SMARCB1: variants seen among roughly 807,000 people sequenced by gnomAD.
SMARCB1 encodes the protein SWI/SNF-related matrix-associated actin-dependent regulator of chromatin subfamily B member 1.
Under a neutral mutation model 49.0 loss-of-function variants are expected in SMARCB1, and 5 were observed. That is an observed-to-expected ratio of 0.10 (90% CI 0.05 to 0.21). SMARCB1 has a LOEUF of 0.21. Ranked by LOEUF, SMARCB1 falls within the 10% of genes least tolerant of loss-of-function variation. The probability of loss-of-function intolerance (pLI) is 1.00; values close to 1 mark genes in which losing one functional copy is unlikely to be tolerated. For synonymous variants in SMARCB1, 201 were observed against 200.1 expected (o/e 1.00, Z -0.04); for missense variants, 226 against 509.2 (o/e 0.44, Z 5.35).
intron 6 of SMARCB1, among the ~76,000 whole-genome samples, chr22:23,819,683 T>A (rs1345090385): frequency 6.6e-6 from 1 of 151,946 alleles, no homozygotes; most frequent in Non-Finnish European, 1.5e-5. Context: ...AGAAATGGAA[T>A]TCCTGGATCG....
intron 3 of SMARCB1, 90 bp from the exon 4 acceptor site, chr22:23,800,854 C>G (rs947572635): frequency 2.0e-6 from 2 of 1,000,084 alleles, no homozygotes; most frequent in African/African-American, 1.6e-5. Context: ...GACAGAGGTA[C>G]AGTGGGCATC....
intron 5 of SMARCB1, among the ~76,000 whole-genome samples, chr22:23,809,123 G>A (rs551354643): frequency 1.3e-5 from 2 of 151,784 alleles, no homozygotes; most frequent in South Asian, 2.1e-4. Context: ...GTGAGCCACC[G>A]CGCCCAGCCA....
intron 7 of SMARCB1, chr22:23,826,317 C>T (rs527301810): frequency 4.0e-5 from 6 of 151,044 alleles, no homozygotes; most frequent in Admixed American, 3.3e-4. Flanking sequence ...TTCAGCTACT[C>T]AGGAAGCTGA....
Position 23,836,373 on chromosome 22 carries a change from C to G in SMARCB1, c.*2193C>G, listed in dbSNP as rs1399898548. 1 of 985,426 alleles carries G rather than the reference C, an allele frequency of 1.0e-6. No individual in the cohort carries two copies. The highest frequency in any genetic ancestry group is 1.7e-5 in the African/African-American group (1 of 57,270). The allele number at this position is 985,426 out of a possible 1,614,324, so 61.0% of individuals were successfully genotyped here. A position where few individuals can be genotyped will look rare whatever the true frequency, so the allele number is the denominator to read the frequency against. On this transcript the variant is annotated 3_prime_UTR_variant, in exon 9 of 9. Coordinates refer to ENST00000644036, the MANE Select transcript of SMARCB1 (RefSeq NM_003073.5). ...CTGAAGGCACCACTGGCAGGAACAT[C>G]TGTAGGCTGGTTTGGCACAACCTAG... is the stretch of plus-strand genomic sequence containing the variant.
intron 6 of SMARCB1, among the ~76,000 whole-genome samples, chr22:23,822,074 T>C (rs570617498): frequency 6.6e-5 from 10 of 152,280 alleles, no homozygotes; most frequent in South Asian, 2.1e-4. Flanking sequence ...ACAAGAATCT[T>C]TGGAGCCATG....
rs966019201 is a variant in SMARCB1 at position 23,817,001 on chromosome 22, A to G, written c.795+65A>G. On this transcript the variant is annotated intron_variant, in intron 6 of 8. Transcript: ENST00000644036. ...CTCAGGGTGGGTGTCATCATGGAGCACTGAGGGTACACCAAGGCCTCAGCA... is the reference window on the plus strand; with the variant it reads ...CTCAGGGTGGGTGTCATCATGGAGCGCTGAGGGTACACCAAGGCCTCAGCA... The G allele has an allele frequency of 5.2e-6, 7 of 1,342,206 alleles. No homozygotes were observed. In the South Asian group the frequency reaches 7.1e-5, roughly 14 times the overall value. The allele number at this position is 1,342,206 out of a possible 1,614,324, so 83.1% of individuals were successfully genotyped here.
intron 1 of SMARCB1, among the ~76,000 whole-genome samples, chr22:23,790,688 C>T (rs186566324): frequency 3.3e-5 from 5 of 151,982 alleles, no homozygotes; most frequent in Non-Finnish European, 5.9e-5. Context: ...ACAAAAAATA[C>T]AAAAATTAGC....
In SMARCB1 at chr22:23,803,401, G is replaced by A. The variant is rs762962010; in HGVS notation, c.607G>A (p.Ala203Thr). 1.5e-5 allele frequency: 25 copies of A among 1,614,148 alleles called. 1 individual carries two copies. The highest frequency in any genetic ancestry group is 4.5e-5 in the East Asian group (2 of 44,888). Residue 203 changes from alanine (A) to threonine (T), a missense_variant, in exon 5 of 9, where the codon GCC becomes ACC. Transcript: ENST00000644036. ...GATCGATGGGCAGAAGCTGCGAGAC[G>A]CCTTCACCTGGAACATGAATGGTAC... is the stretch of plus-strand genomic sequence containing the variant. ...MEIDGQKLRDAFTWNMNEKLM... is the reference protein window; with the variant it reads ...MEIDGQKLRDTFTWNMNEKLM...
At position 23,803,416 on chromosome 22, in the gene SMARCB1, A is replaced by G. The variant is rs1457130071; in HGVS notation, c.622A>G (p.Met208Val). 2.5e-6 allele frequency: 4 copies of G among 1,614,134 alleles called. No individual in the cohort carries two copies. Among genetic ancestry groups the G allele is most frequent in the East Asian group, 2.2e-5 (1 of 44,880 alleles). The change falls in exon 5 of 9, where the codon ATG becomes GTG. Residue 208 changes from methionine (M) to valine (V), a missense_variant. Coordinates refer to ENST00000644036, the MANE Select transcript of SMARCB1 (RefSeq NM_003073.5). ...GCTGCGAGACGCCTTCACCTGGAAC[A>G]TGAATGGTACAAGGCAGTCGGGCTT... ...QKLRDAFTWN[M>V]NEKLMTPEMF...
intron 3 of SMARCB1, among the ~76,000 whole-genome samples, chr22:23,797,107 T>A (rs1231597253): frequency 7.0e-6 from 1 of 142,860 alleles, no homozygotes; most frequent in Non-Finnish European, 1.5e-5. Context: ...CACGCCATTC[T>A]CCTGCCTCAG....
intron 2 of SMARCB1, chr22:23,792,296 T>C (rs886858657): frequency 2.8e-6 from 1 of 351,680 alleles, no homozygotes; most frequent in African/African-American, 2.1e-5. Flanking sequence ...CTTTCACTGC[T>C]TGCTTCCTGG....
chr22:23,829,434 C>A (rs997460774), intron 7 of SMARCB1, among the ~76,000 whole-genome samples: 2 of 152,184 alleles, frequency 1.3e-5, no homozygotes, highest in African/African-American at 4.8e-5. Flanking sequence ...GCTCTGCACA[C>A]CAGCAGTCCT....
Position 23,835,832 on chromosome 22 carries a change from C to T in SMARCB1, c.*1652C>T, listed in dbSNP as rs1000571913. 3 of 985,160 alleles carry T rather than the reference C, an allele frequency of 3.0e-6. No individual in the cohort carries two copies. The African/African-American group carries it at 5.2e-5, about 17-fold the overall frequency. 61.0% of individuals were successfully genotyped at this position (985,160 alleles called of 1,614,324 possible). A position where few individuals can be genotyped will look rare whatever the true frequency, so the allele number is the denominator to read the frequency against. The stretch of plus-strand genomic sequence containing the variant: ...TCACCCCACAGGTCGGGCAGGGCCA[C>T]CTGGCTGGGAGGTGCCGGGAAGGCT... On this transcript the variant is annotated 3_prime_UTR_variant, in exon 9 of 9. Transcript: ENST00000644036.
At position 23,807,203 on chromosome 22, in the gene SMARCB1, T is replaced by C. The variant is rs549722783; in HGVS notation, c.628+3781T>C. Reference sequence around the variant, plus strand: ...CTCAGGAAGAGTTTTGGAATCTGTCTTGGCACACAGGCAAAGGAGTGATTA... The same window carrying C: ...CTCAGGAAGAGTTTTGGAATCTGTCCTGGCACACAGGCAAAGGAGTGATTA... On this transcript the variant is annotated intron_variant, in intron 5 of 8. Coordinates refer to ENST00000644036, the MANE Select transcript of SMARCB1 (RefSeq NM_003073.5). 2.6e-5 allele frequency among the ~76,000 whole-genome samples: 4 copies of C among 152,348 alleles called. No individual in the cohort carries two copies. In the South Asian group the frequency reaches 6.2e-4, roughly 24 times the overall value.
At chr22:23,790,829 A>G (rs1928333317) in intron 1 of SMARCB1, among the ~76,000 whole-genome samples, 1 of 152,224 alleles carries the variant, frequency 6.6e-6, no homozygotes, top group South Asian at 2.1e-4. Flanking sequence ...CCTGGGTGAC[A>G]GAGCGAGACC....
chr22:23,831,672 A>G (rs148909007), intron 7 of SMARCB1, among the ~76,000 whole-genome samples: 71 of 152,216 alleles, frequency 4.7e-4, no homozygotes, highest in Middle Eastern at 3.4e-3. Flanking sequence ...TAAACAAAGG[A>G]CCCTCTGGGA....
In SMARCB1 at chr22:23,812,359, G is replaced by A. The variant is rs565679295; in HGVS notation, c.629-4411G>A. ...ATTCTCCCCCCCAAAAAAATCTCTG[G>A]GCCCATATGATTTCACTGGAGAATT... On this transcript the variant is annotated intron_variant, in intron 5 of 8. Coordinates refer to ENST00000644036, the MANE Select transcript of SMARCB1 (RefSeq NM_003073.5). Among the ~76,000 whole-genome samples, 17 of 151,944 alleles carry A rather than the reference G, an allele frequency of 1.1e-4. 1 individual carries two copies. In the South Asian group the frequency reaches 3.5e-3, roughly 32 times the overall value.
intron 3 of SMARCB1, among the ~76,000 whole-genome samples, chr22:23,794,189 G>A (rs565172825): frequency 1.3e-5 from 2 of 152,340 alleles, no homozygotes; most frequent in East Asian, 3.9e-4. Flanking sequence ...TGATCCGCCC[G>A]CCTTGGCATC....
chr22:23,791,351 A>G (rs1030271483), intron 1 of SMARCB1, among the ~76,000 whole-genome samples: 1 of 152,250 alleles, frequency 6.6e-6, no homozygotes, highest in Non-Finnish European at 1.5e-5. Context: ...TCTAAAATTA[A>G]AAGACCTTTT....
Sources: allele counts gnomAD v4.1 joint callset (sites outside exome capture counted in the v4.1 genomes callset), GRCh38; gene constraint gnomAD v4.1.1; transcripts MANE v1.5; gene names NCBI Gene and HGNC (gene_info 2026-07-23, HGNC 2026-07-21).